ACSS3: variants seen among roughly 807,000 people sequenced by gnomAD.
The protein encoded by ACSS3 is acyl-CoA synthetase short chain family member 3.
ACSS3 carries 64 observed loss-of-function variants against 84.2 expected under a neutral mutation model. That is an observed-to-expected ratio of 0.76 (90% confidence interval 0.62 to 0.94). ACSS3 has a LOEUF of 0.94. Ranked by LOEUF, ACSS3 falls within the 40% of genes least tolerant of loss-of-function variation. ACSS3 has a pLI of 0.00. For missense variants in ACSS3, 815 were observed against 867.6 expected (o/e 0.94, Z 0.76); for synonymous variants, 317 against 310.1 (o/e 1.02, Z -0.23).
At chr12:81,217,101 T>A in intron 10 of ACSS3, 105 bp downstream of exon 10, 1 of 791,588 alleles carries the variant, frequency 1.3e-6, no homozygotes, top group Admixed American at 2.6e-5. Context: ...AATTAGAATC[T>A]GGTTGAATGA....
At chr12:81,175,017 G>A in intron 8 of ACSS3, 78 bp downstream of exon 8, 1 of 1,502,500 alleles carries the variant, frequency 6.7e-7, no homozygotes, top group Non-Finnish European at 9.0e-7. Context: ...TTTTTTTCTG[G>A]TACTGGAATA....
chr12:81,197,488 C>T (rs1376833604), intron 8 of ACSS3, among the ~76,000 whole-genome samples: 1 of 152,096 alleles, frequency 6.6e-6, no homozygotes, highest in Non-Finnish European at 1.5e-5. Flanking sequence ...TACCCTCTCC[C>T]CACTCTTCAG....
At chr12:81,213,200 A>G (rs2032663000) in intron 9 of ACSS3, among the ~76,000 whole-genome samples, 1 of 152,136 alleles carries the variant, frequency 6.6e-6, no homozygotes, top group Non-Finnish European at 1.5e-5. Context: ...AACATCCTGG[A>G]AATGGGGCTT....
chr12:81,084,669 A>AG (rs1370908627), intron 1 of ACSS3, among the ~76,000 whole-genome samples: 1 of 152,172 alleles, frequency 6.6e-6, no homozygotes, highest in African/African-American at 2.4e-5. Context: ...AAAAAGTGGG[A>AG]GAAAAAAAAA....
intron 10 of ACSS3, among the ~76,000 whole-genome samples, chr12:81,219,404 A>T (rs2033028468): frequency 6.6e-6 from 1 of 152,144 alleles, no homozygotes; most frequent in African/African-American, 2.4e-5. Context: ...AATCTATTAA[A>T]GCCTAAAAGA....
At chr12:81,128,673 A>G (rs897350846) in intron 2 of ACSS3, among the ~76,000 whole-genome samples, 1 of 152,214 alleles carries the variant, frequency 6.6e-6, no homozygotes, top group African/African-American at 2.4e-5. Flanking sequence ...TTTATTATAA[A>G]CAACCTATAT....
intron 8 of ACSS3, among the ~76,000 whole-genome samples, chr12:81,180,552 G>A (rs1023556758): frequency 2.0e-5 from 3 of 152,054 alleles, no homozygotes; most frequent in Non-Finnish European, 2.9e-5. Flanking sequence ...GTCTCACTCT[G>A]TTGCCCAGGC....
intron 5 of ACSS3, among the ~76,000 whole-genome samples, chr12:81,149,322 T>G (rs1302227360): frequency 6.6e-6 from 1 of 152,226 alleles, no homozygotes; most frequent in Non-Finnish European, 1.5e-5. Flanking sequence ...GTTTCTCTTT[T>G]GCATTTTAAT....
At chr12:81,195,172 T>A (rs2031767247) in intron 8 of ACSS3, among the ~76,000 whole-genome samples, 1 of 152,040 alleles carries the variant, frequency 6.6e-6, no homozygotes, top group African/African-American at 2.4e-5. Flanking sequence ...ACCTATCATT[T>A]TATAAATTTT....
intron 13 of ACSS3, among the ~76,000 whole-genome samples, chr12:81,244,074 T>C (rs1275950746): frequency 6.6e-6 from 1 of 152,118 alleles, no homozygotes; most frequent in Non-Finnish European, 1.5e-5. Flanking sequence ...TCTTTATTTC[T>C]CCTTAATTTT....
intron 1 of ACSS3, among the ~76,000 whole-genome samples, chr12:81,088,959 G>A (rs1051571625): frequency 1.3e-5 from 2 of 151,880 alleles, no homozygotes; most frequent in South Asian, 4.1e-4. Flanking sequence ...CAGTCCTAAA[G>A]GTGGGAGGAA....
At chr12:81,229,252 T>A (rs551758295) in intron 11 of ACSS3, among the ~76,000 whole-genome samples, 1 of 151,896 alleles carries the variant, frequency 6.6e-6, no homozygotes, top group East Asian at 1.9e-4. Flanking sequence ...AATTGTCTCT[T>A]ATTTAATATG....
chr12:81,093,478 G>A (rs551090674), intron 1 of ACSS3, among the ~76,000 whole-genome samples: 4 of 149,302 alleles, frequency 2.7e-5, no homozygotes, highest in African/African-American at 9.9e-5. Context: ...AAAAAAAAAA[G>A]AATTCTGATT....
At chr12:81,206,336 A>G (rs943194629) in intron 9 of ACSS3, among the ~76,000 whole-genome samples, 15 of 152,124 alleles carry the variant, frequency 9.9e-5, no homozygotes, top group Non-Finnish European at 1.6e-4. Context: ...CCGGCAAAAC[A>G]TGACCCCATG....
At chr12:81,222,302 C>G (rs1023968411) in intron 11 of ACSS3, among the ~76,000 whole-genome samples, 5 of 151,992 alleles carry the variant, frequency 3.3e-5, no homozygotes, top group Non-Finnish European at 5.9e-5. Flanking sequence ...TATTATAAAT[C>G]TTTTTGTATT....
At position 81,237,731 on chromosome 12, in the gene ACSS3, C is replaced by A. The variant is rs921030735; in HGVS notation, c.1719+4260C>A. On this transcript the variant is annotated intron_variant, in intron 13 of 15. Coordinates refer to ENST00000548058, the MANE Select transcript of ACSS3 (RefSeq NM_024560.4). ...TTAATTTGATTTTCAAAGCTTTTGT[C>A]TATTTGGATATTCTACATATATACG... Among the ~76,000 whole-genome samples, 4 of 151,762 alleles carry A rather than the reference C, an allele frequency of 2.6e-5. No individual in the cohort carries two copies. In the East Asian group the frequency reaches 7.8e-4, roughly 29 times the overall value.
chr12:81,101,303 A>C (rs924227775), intron 1 of ACSS3, among the ~76,000 whole-genome samples: 2 of 152,180 alleles, frequency 1.3e-5, no homozygotes, highest in Non-Finnish European at 2.9e-5. Context: ...GACCATTAAA[A>C]TTTATATTTT....
chr12:81,159,129 A>G (rs990134755), intron 7 of ACSS3, among the ~76,000 whole-genome samples: 10 of 152,220 alleles, frequency 6.6e-5, no homozygotes, highest in African/African-American at 1.9e-4. Context: ...AGCAACTTAT[A>G]TAAGTCAGGT....
chr12:81,230,856 T>G (rs1294238000), intron 11 of ACSS3, among the ~76,000 whole-genome samples: 1 of 151,878 alleles, frequency 6.6e-6, no homozygotes, highest in Non-Finnish European at 1.5e-5. Context: ...GAGACTAAAG[T>G]CATTCTTCAA....
Sources: gnomAD v4.1 joint callset for allele counts (sites outside exome capture counted in the v4.1 genomes callset) on GRCh38, gnomAD v4.1.1 for gene constraint, MANE v1.5 for transcripts, NCBI Gene and HGNC (gene_info 2026-07-23, HGNC 2026-07-21) for gene names.